Variants in GALNTL6 observed in about 807,000 individuals in gnomAD.
The protein encoded by GALNTL6 is polypeptide N-acetylgalactosaminyltransferase like 6.
GALNTL6 carries 46 observed loss-of-function variants against 73.7 expected under a neutral mutation model. The ratio of observed to expected loss-of-function variants is 0.62; its 90% CI spans 0.49 to 0.80. The LOEUF is 0.80. Ranked by LOEUF, GALNTL6 falls within the 30% of genes least tolerant of loss-of-function variation. The pLI is 0.00. For missense variants in GALNTL6, 604 were observed against 755.0 expected, an observed-to-expected ratio of 0.80 and a Z score of 2.34; for synonymous variants, 259 against 263.7, an observed-to-expected ratio of 0.98 and a Z score of 0.17.
chr4:172,030,262 C>T (rs987021473), intron 2 of GALNTL6, among the ~76,000 whole-genome samples: 35 of 151,808 alleles, frequency 2.3e-4, no homozygotes, highest in Admixed American at 2.1e-3. Flanking sequence ...CGAGAAAAAC[C>T]ACAATAGCTC....
intron 12 of GALNTL6, 107 bp downstream of exon 12, chr4:173,021,732 A>G (rs1752999278): frequency 8.6e-7 from 1 of 1,167,946 alleles, no homozygotes; most frequent in Admixed American, 2.0e-5. Context: ...AGTCACTCAC[A>G]CCTGTAATCC....
intron 4 of GALNTL6, among the ~76,000 whole-genome samples, chr4:172,321,288 T>C (rs1057473215): frequency 6.6e-6 from 1 of 151,956 alleles, no homozygotes; most frequent in African/African-American, 2.4e-5. Context: ...ACTAAAAAAA[T>C]AAACAAGCAA....
chr4:172,175,171 G>T (rs1246984746), intron 2 of GALNTL6, among the ~76,000 whole-genome samples: 1 of 151,968 alleles, frequency 6.6e-6, no homozygotes, highest in African/African-American at 2.4e-5. Flanking sequence ...CCACCTCTGG[G>T]GTTCAAGTGA....
chr4:172,045,011 C>G (rs577910563), intron 2 of GALNTL6, among the ~76,000 whole-genome samples: 1 of 151,956 alleles, frequency 6.6e-6, no homozygotes, highest in South Asian at 2.1e-4. Flanking sequence ...CTGTGTATCA[C>G]CAACTGTAAT....
intron 5 of GALNTL6, among the ~76,000 whole-genome samples, chr4:172,436,899 G>T (rs953396989): frequency 6.6e-6 from 1 of 152,092 alleles, no homozygotes; most frequent in Non-Finnish European, 1.5e-5. Context: ...TGGTGGATTT[G>T]CAGTCTAGCT....
At chr4:172,114,597 C>A (rs1732936402) in intron 2 of GALNTL6, among the ~76,000 whole-genome samples, 1 of 151,980 alleles carries the variant, frequency 6.6e-6, no homozygotes, top group Non-Finnish European at 1.5e-5. Context: ...TAGGGTATCA[C>A]AAGAAAAATG....
At chr4:172,917,638 A>ACATGAAAAAATGCT (rs1747592330) in intron 8 of GALNTL6, among the ~76,000 whole-genome samples, 1 of 152,232 alleles carries the variant, frequency 6.6e-6, no homozygotes, top group Non-Finnish European at 1.5e-5. Flanking sequence ...GCCAACAGAC[A>ACATGAAAAAATGCT]CATGAAAAAA....
chr4:172,340,240 T>C (rs1303183507), intron 4 of GALNTL6, among the ~76,000 whole-genome samples: 1 of 152,330 alleles, frequency 6.6e-6, no homozygotes, highest in East Asian at 1.9e-4. Flanking sequence ...TCTGCATCTA[T>C]TGAGATGATC....
intron 5 of GALNTL6, among the ~76,000 whole-genome samples, chr4:172,481,911 T>C (rs1733496054): frequency 6.6e-6 from 1 of 152,184 alleles, no homozygotes; most frequent in South Asian, 2.1e-4. Flanking sequence ...GGGCAGTGGA[T>C]GGGACTGAGC....
chr4:171,990,023 A>T (rs1442692108), intron 2 of GALNTL6, among the ~76,000 whole-genome samples: 5 of 152,130 alleles, frequency 3.3e-5, no homozygotes, highest in Non-Finnish European at 7.4e-5. Flanking sequence ...AAGCTGGACC[A>T]GGTGTGAGGA....
chr4:172,456,340 C>T (rs1161751412), intron 5 of GALNTL6, among the ~76,000 whole-genome samples: 4 of 151,898 alleles, frequency 2.6e-5, no homozygotes, highest in African/African-American at 9.7e-5. Context: ...CAAAACTGGA[C>T]AGAGAATGAG....
chr4:172,883,452 G>A (rs1305613367), intron 8 of GALNTL6, among the ~76,000 whole-genome samples: 1 of 152,188 alleles, frequency 6.6e-6, no homozygotes, highest in African/African-American at 2.4e-5. Context: ...ATTGTGGAAG[G>A]CAACAGGGAG....
intron 11 of GALNTL6, among the ~76,000 whole-genome samples, chr4:173,015,295 AT>A (rs1752734723): frequency 1.3e-5 from 2 of 152,218 alleles, no homozygotes. Context: ...ATACCTGAAA[AT>A]GTGGCAGCAA....
chr4:172,341,194 G>A (rs1741545986), intron 4 of GALNTL6, among the ~76,000 whole-genome samples: 1 of 152,020 alleles, frequency 6.6e-6, no homozygotes, highest in Non-Finnish European at 1.5e-5. Context: ...TAGTTGTCCT[G>A]TAATCCCAGC....
intron 5 of GALNTL6, among the ~76,000 whole-genome samples, chr4:172,782,740 G>T (rs577752372): frequency 2.0e-5 from 3 of 152,078 alleles, no homozygotes; most frequent in Non-Finnish European, 4.4e-5. Context: ...CTTCACACTA[G>T]TGCATTCATT....
intron 5 of GALNTL6, among the ~76,000 whole-genome samples, chr4:172,752,319 T>C (rs1737472943): frequency 6.6e-6 from 1 of 152,006 alleles, no homozygotes; most frequent in Non-Finnish European, 1.5e-5. Context: ...AAAAATAAAT[T>C]AAAATGTGTT....
rs1739061695 is a variant in GALNTL6 at position 172,281,656 on chromosome 4, A to G, written c.248-29958A>G. Among the ~76,000 whole-genome samples the G allele has an allele frequency of 1.3e-5, 2 of 152,212 alleles. 1 individual carries two copies. The highest frequency in any genetic ancestry group is 4.1e-4 in the South Asian group (2 of 4,832). On this transcript the variant is annotated intron_variant, in intron 3 of 12. Transcript: ENST00000506823. ...AACCCAGGAGGAGGAGGTTGCAGTG[A>G]GCCAAGATCGCTCCACTGCACTCCA... is the stretch of plus-strand genomic sequence containing the variant.
chr4:172,441,185 C>T (rs1253412639), intron 5 of GALNTL6, among the ~76,000 whole-genome samples: 1 of 152,108 alleles, frequency 6.6e-6, no homozygotes, highest in Non-Finnish European at 1.5e-5. Context: ...CCATCTATTT[C>T]ACTAAAGGTA....
intron 7 of GALNTL6, among the ~76,000 whole-genome samples, chr4:172,864,243 A>G (rs1744546194): frequency 6.6e-6 from 1 of 152,218 alleles, no homozygotes; most frequent in African/African-American, 2.4e-5. Flanking sequence ...GAATCCCAGC[A>G]CATGCTTCCT....
Sources: gnomAD v4.1 joint callset for allele counts (sites outside exome capture counted in the v4.1 genomes callset) on GRCh38, gnomAD v4.1.1 for gene constraint, MANE v1.5 for transcripts, NCBI Gene and HGNC (gene_info 2026-07-23, HGNC 2026-07-21) for gene names.